PARD3B: variants seen among roughly 807,000 people sequenced by gnomAD.
PARD3B encodes the protein partitioning defective 3 homolog B.
Under a neutral mutation model 130.2 loss-of-function variants are expected in PARD3B, and 103 were observed. That is an observed-to-expected ratio of 0.79 (90% CI 0.67 to 0.93). The LOEUF (loss-of-function observed/expected upper bound fraction) is 0.93, where lower values mean the gene tolerates loss of function less well. PARD3B is among the 40% of genes least tolerant of loss of function. PARD3B has a pLI of 0.00. For missense variants in PARD3B, 1,609 were observed against 1,499.2 expected (o/e 1.07, Z -1.21); for synonymous variants, 583 against 553.2 (o/e 1.05, Z -0.76).
At chr2:205,508,681 C>T (rs2050471160) in intron 21 of PARD3B, among the ~76,000 whole-genome samples, 1 of 152,120 alleles carries the variant, frequency 6.6e-6, no homozygotes, top group Non-Finnish European at 1.5e-5. Context: ...AGCTCTATCC[C>T]AATGGTTCCC....
intron 1 of PARD3B, among the ~76,000 whole-genome samples, chr2:204,603,485 G>A (rs908524829): frequency 6.6e-6 from 1 of 152,044 alleles, no homozygotes; most frequent in African/African-American, 2.4e-5. Flanking sequence ...AGTGGAAATT[G>A]TTTGGATCTC....
chr2:204,813,663 C>T (rs2043043971), intron 2 of PARD3B, among the ~76,000 whole-genome samples: 1 of 151,966 alleles, frequency 6.6e-6, no homozygotes, highest in Non-Finnish European at 1.5e-5. Flanking sequence ...CAAATTAGGT[C>T]AATGATCTAT....
intron 2 of PARD3B, among the ~76,000 whole-genome samples, chr2:204,800,925 C>T (rs1424839525): frequency 6.6e-6 from 1 of 152,122 alleles, no homozygotes; most frequent in Non-Finnish European, 1.5e-5. Flanking sequence ...CAGTTTTCCT[C>T]GTATGGCTAG....
intron 20 of PARD3B, among the ~76,000 whole-genome samples, chr2:205,478,247 C>A (rs567818683): frequency 1.8e-4 from 28 of 152,214 alleles, no homozygotes; most frequent in Non-Finnish European, 4.0e-4. Flanking sequence ...AATGGGTGGT[C>A]ACTAGGGGCG....
chr2:205,453,042 G>T (rs1302404090), intron 20 of PARD3B, among the ~76,000 whole-genome samples: 1 of 152,200 alleles, frequency 6.6e-6, no homozygotes, highest in African/African-American at 2.4e-5. Flanking sequence ...AGGTTGGAAG[G>T]TATATGCAGA....
intron 2 of PARD3B, among the ~76,000 whole-genome samples, chr2:204,947,034 A>G (rs763033033): frequency 9.2e-5 from 14 of 152,174 alleles, no homozygotes; most frequent in Non-Finnish European, 1.3e-4. Context: ...TGGGAAGGGC[A>G]GTCTGCTTTA....
intron 20 of PARD3B, among the ~76,000 whole-genome samples, chr2:205,454,703 G>T (rs2048212780): frequency 6.6e-6 from 1 of 152,118 alleles, no homozygotes; most frequent in South Asian, 2.1e-4. Flanking sequence ...GTCAAGTTCA[G>T]TAGGGGGCCT....
rs554440068 is a variant in PARD3B at position 204,577,035 on chromosome 2, G to T, written c.120+30916G>T. On this transcript the variant is annotated intron_variant, in intron 1 of 22. Transcript: ENST00000406610. ...AAACTTGAAAAAAATTATTTTTCTT[G>T]GGGGGGGATGGGATAGTTGGGTTTC... Among the ~76,000 whole-genome samples the T allele has an allele frequency of 2.0e-5, 3 of 151,032 alleles. No homozygotes were observed. In the South Asian group the frequency reaches 6.3e-4, roughly 32 times the overall value.
In PARD3B at chr2:204,601,162, C is replaced by T. The variant is rs574785980; in HGVS notation, c.120+55043C>T. ...TACTCCATTTATTTGATAATTGTTT[C>T]ATCATTTCAGATTCAATTTGTAATA... is the stretch of plus-strand genomic sequence containing the variant. On this transcript the variant is annotated intron_variant, in intron 1 of 22. Transcript: ENST00000406610. Among the ~76,000 whole-genome samples the T allele has an allele frequency of 5.3e-5, 8 of 152,046 alleles. No individual in the cohort carries two copies. In the South Asian group the frequency reaches 1.7e-3, roughly 31 times the overall value.
chr2:205,040,372 G>T (rs561840263), intron 3 of PARD3B, among the ~76,000 whole-genome samples: 16 of 152,320 alleles, frequency 1.1e-4, no homozygotes, highest in African/African-American at 3.8e-4. Context: ...CAAGAAAAGG[G>T]GGAGCAGCTT....
chr2:205,436,615 T>C (rs1014095298), intron 19 of PARD3B, among the ~76,000 whole-genome samples: 3 of 152,084 alleles, frequency 2.0e-5, no homozygotes, highest in African/African-American at 4.8e-5. Context: ...TGCTAAAATA[T>C]AGTATTAAAT....
Position 205,617,119 on chromosome 2 carries a change from G to A in PARD3B, c.*1306G>A, listed in dbSNP as rs1021476038. ...AGGCCTCCAATTGGCAAAGGACAGT[G>A]TTATGGCTTTAAAAAGCTGAAACCC... On this transcript the variant is annotated 3_prime_UTR_variant, in exon 23 of 23. Transcript: ENST00000406610. 1 of 154,416 alleles carries A rather than the reference G, an allele frequency of 6.5e-6. No individual in the cohort carries two copies. Among genetic ancestry groups the A allele is most frequent in the African/African-American group, 2.4e-5 (1 of 41,532 alleles). 9.6% of individuals were successfully genotyped at this position (154,416 alleles called of 1,614,324 possible). A position where few individuals can be genotyped will look rare whatever the true frequency, so the allele number is the denominator to read the frequency against.
At chr2:205,298,539 T>G (rs541481689) in intron 16 of PARD3B, among the ~76,000 whole-genome samples, 1 of 152,174 alleles carries the variant, frequency 6.6e-6, no homozygotes, top group South Asian at 2.1e-4. Flanking sequence ...ATTTATTGAA[T>G]ATACTCTGTT....
intron 20 of PARD3B, among the ~76,000 whole-genome samples, chr2:205,445,731 A>G (rs920058166): frequency 3.9e-5 from 6 of 152,172 alleles, no homozygotes; most frequent in East Asian, 1.9e-4. Context: ...GTAAAGAAGC[A>G]TCCATCTGGG....
chr2:205,060,990 G>A (rs1369156678), intron 4 of PARD3B, among the ~76,000 whole-genome samples: 1 of 152,050 alleles, frequency 6.6e-6, no homozygotes, highest in Non-Finnish European at 1.5e-5. Flanking sequence ...TTTAGTGGTT[G>A]GAGCTTGACC....
Position 205,281,433 on chromosome 2 carries a change from T to C in PARD3B, c.2186-19097T>C, listed in dbSNP as rs2041185091. On this transcript the variant is annotated intron_variant, in intron 16 of 22. Transcript: ENST00000406610. The surrounding 1 kb of genome is among the most constrained non-coding windows in gnomAD (Gnocchi z 4.2). The stretch of plus-strand genomic sequence containing the variant: ...CTTCATATTGCACACAAAAGTTCTC[T>C]GAAAACGAAGTTGAAAGAAAGAGAC... Among the ~76,000 whole-genome samples the C allele has an allele frequency of 6.6e-6, 1 of 152,164 alleles. No homozygotes were observed. Among genetic ancestry groups the C allele is most frequent in the African/African-American group, 2.4e-5 (1 of 41,440 alleles).
In PARD3B at chr2:204,582,411, A is replaced by G. The variant is rs2032606253; in HGVS notation, c.120+36292A>G. Among the ~76,000 whole-genome samples, 3 of 152,316 alleles carry G rather than the reference A, an allele frequency of 2.0e-5. No individual in the cohort carries two copies. The South Asian group carries it at 6.2e-4, about 32-fold the overall frequency. On this transcript the variant is annotated intron_variant, in intron 1 of 22. Transcript: ENST00000406610. The stretch of plus-strand genomic sequence containing the variant: ...ATTTATTTTTCTTAAGGAAAGATAA[A>G]AGTTTAGTTCTTTGATTTCTTTCTT...
intron 1 of PARD3B, among the ~76,000 whole-genome samples, chr2:204,576,071 C>T (rs2032242961): frequency 6.6e-6 from 1 of 152,020 alleles, no homozygotes; most frequent in South Asian, 2.1e-4. Flanking sequence ...CCCTAATCTC[C>T]CTTATTTTAG....
chr2:204,960,781 G>A (rs965675590), intron 2 of PARD3B, among the ~76,000 whole-genome samples: 8 of 152,042 alleles, frequency 5.3e-5, no homozygotes, highest in South Asian at 4.2e-4. Context: ...AGTGAGGTGC[G>A]GAGACAGGCA....
Sources: gnomAD v4.1 joint callset for allele counts (sites outside exome capture counted in the v4.1 genomes callset) on GRCh38, gnomAD v4.1.1 for gene constraint, Gnocchi (gnomAD v3.1) non-coding constraint, MANE v1.5 for transcripts, NCBI Gene and HGNC (gene_info 2026-07-23, HGNC 2026-07-21) for gene names.